The following ZNF440 variants were observed in gnomAD, a reference collection of about 807,000 sequenced individuals.
ZNF440 encodes the protein zinc finger protein 440.
Under a neutral mutation model 49.7 loss-of-function variants are expected in ZNF440, and 47 were observed. The ratio of observed to expected loss-of-function variants is 0.95; its 90% CI spans 0.75 to 1.21. The LOEUF (loss-of-function observed/expected upper bound fraction) is 1.21. ZNF440 is among the 50% of genes most tolerant of loss of function. The pLI, the probability that ZNF440 is intolerant of heterozygous loss-of-function variation, is 0.00. For synonymous variants in ZNF440, 255 were observed against 237.7 expected, an observed-to-expected ratio of 1.07 and a Z score of -0.67; for missense variants, 703 against 715.0, an observed-to-expected ratio of 0.98 and a Z score of 0.19.
At chr19:11,826,496 T>C (rs577685729) in intron 1 of ZNF440, among the ~76,000 whole-genome samples, 1 of 152,092 alleles carries the variant, frequency 6.6e-6, no homozygotes, top group Non-Finnish European at 1.5e-5. Flanking sequence ...TCTTCAGAGC[T>C]CCGCAGACTG....
chr19:11,831,376 T>A lies in ZNF440; in HGVS notation c.200T>A (p.Ile67Lys). The A allele has an allele frequency of 6.2e-7, 1 of 1,605,850 alleles. No homozygotes were observed. The highest frequency in any genetic ancestry group is 8.5e-7 in the Non-Finnish European group (1 of 1,178,250). ...CTTCTCATTTTTGACAGGAGTCTCA[T>A]AGAAGAAAAAGTCAATGAAATTAAA... ...QNPRRNFRSL[I>K]EEKVNEIKDD... Residue 67 changes from isoleucine to lysine, a missense_variant, in exon 4 of 4, where the codon ATA becomes AAA. By Grantham distance (102) the Ile-to-Lys change is moderately radical. Coordinates refer to ENST00000304060, the MANE Select transcript of ZNF440 (RefSeq NM_152357.3).
At chr19:11,824,899 G>A (rs1218885131) in intron 1 of ZNF440, among the ~76,000 whole-genome samples, 2 of 151,828 alleles carry the variant, frequency 1.3e-5, no homozygotes, top group African/African-American at 4.8e-5. Flanking sequence ...AGTAGAGAGA[G>A]GGTTTCACCA....
chr19:11,832,056 A>G lies in ZNF440; in HGVS notation c.880A>G (p.Thr294Ala), dbSNP rs777543619. Residue 294 changes from threonine (T) to alanine (A), a missense_variant, in exon 4 of 4, where the codon ACG becomes GCG. Thr to Ala is a moderately conservative substitution (Grantham distance 58). Transcript: ENST00000304060. ...ATGTAAGGAATGTGGAAAAGCATTC[A>G]CGTGTCCCCGTTATGTTCGTATACA... Reference protein sequence around the residue: ...YQCKECGKAFTCPRYVRIHER... With the variant: ...YQCKECGKAFACPRYVRIHER... 6.2e-7 allele frequency: 1 copy of G among 1,614,180 alleles called. No individual in the cohort carries two copies.
Position 11,832,402 on chromosome 19 carries a change from C to T in ZNF440, c.1226C>T (p.Ser409Leu). 4 of 1,613,244 alleles carry T rather than the reference C, an allele frequency of 2.5e-6. No individual in the cohort carries two copies. Among genetic ancestry groups the T allele is most frequent in the Non-Finnish European group, 3.4e-6 (4 of 1,179,704 alleles). Residue 409 changes from serine to leucine, a missense_variant, in exon 4 of 4, where the codon TCA (serine) becomes TTA (leucine). Physicochemically the swap from Ser to Leu is moderately radical, Grantham distance 145. Coordinates refer to ENST00000304060, the MANE Select transcript of ZNF440 (RefSeq NM_152357.3). The part of the protein sequence containing the change: ...KQCGKAFRSA[S>L]HLRVHGRTHT... Reference sequence around the variant, plus strand: ...TGTGGGAAAGCCTTCAGATCTGCCTCACACCTTCGAGTGCATGGTAGGACT... The same window carrying T: ...TGTGGGAAAGCCTTCAGATCTGCCTTACACCTTCGAGTGCATGGTAGGACT...
At position 11,832,224 on chromosome 19, in the gene ZNF440, T is replaced by C. The variant is rs901524299; in HGVS notation, c.1048T>C (p.Cys350Arg). 1 of 1,614,096 alleles carries C rather than the reference T, an allele frequency of 6.2e-7. No homozygotes were observed. Among genetic ancestry groups the C allele is most frequent in the African/African-American group, 1.3e-5 (1 of 75,014 alleles). ...ATGTAAGATATGTGGAAAAGACTTTTGTTCTGTGAATTCATTTCAAAGACA... is the reference window on the plus strand; with the variant it reads ...ATGTAAGATATGTGGAAAAGACTTTCGTTCTGTGAATTCATTTCAAAGACA... ...YECKICGKDFCSVNSFQRHEK... is the reference protein window; with the variant it reads ...YECKICGKDFRSVNSFQRHEK... Residue 350 changes from cysteine to arginine, a missense_variant, in exon 4 of 4, where the codon TGT becomes CGT. Physicochemically the swap from Cys to Arg is radical, Grantham distance 180. Coordinates refer to ENST00000304060, the MANE Select transcript of ZNF440 (RefSeq NM_152357.3).
chr19:11,834,826 C>A lies in ZNF440; in HGVS notation c.*1862C>A, dbSNP rs1386396044. The A allele has an allele frequency of 2.0e-5, 3 of 152,076 alleles. No homozygotes were observed. Among genetic ancestry groups the A allele is most frequent in the African/African-American group, 7.2e-5 (3 of 41,398 alleles). The allele number at this position is 152,076 out of a possible 1,614,324, so 9.4% of individuals were successfully genotyped here. ...GTGGCTCACGCCTGTAATCCCAGCA[C>A]TTTGGGAGGCCGAGGTCAGGAGTTA... On this transcript the variant is annotated 3_prime_UTR_variant, in exon 4 of 4. Transcript: ENST00000304060.
chr19:11,827,251 A>G (rs886448500), intron 1 of ZNF440, among the ~76,000 whole-genome samples: 12 of 135,790 alleles, frequency 8.8e-5, no homozygotes, highest in South Asian at 6.6e-4. Flanking sequence ...TTTACTAGAG[A>G]CGGGGTTTCA....
At position 11,831,906 on chromosome 19, in the gene ZNF440, C is replaced by T. The variant is rs61746261; in HGVS notation, c.730C>T (p.Arg244Ter). Residue 244 changes from arginine (R) to a stop codon, truncating the protein, a stop_gained, in exon 4 of 4, where the codon CGA (arginine) becomes TGA (stop). Coordinates refer to ENST00000304060, the MANE Select transcript of ZNF440 (RefSeq NM_152357.3). LOFTEE classifies it high-confidence loss of function. The stretch of plus-strand genomic sequence containing the variant: ...ATCCTTTAGTTATTCTGCTACCCAT[C>T]GAATACATAAAAGAACTCACACTGG... The part of the protein sequence containing the change: ...GKSFSYSATH[R>*]IHKRTHTGEK... The T allele has an allele frequency of 6.1e-4, 983 of 1,613,706 alleles. 1 individual carries two copies. The highest frequency in any genetic ancestry group is 7.7e-4 in the Non-Finnish European group (905 of 1,179,888).
chr19:11,824,576 G>C (rs1975839498), intron 1 of ZNF440, among the ~76,000 whole-genome samples: 1 of 151,994 alleles, frequency 6.6e-6, no homozygotes. Context: ...TATATGGAAT[G>C]ATAGTTAATT....
chr19:11,821,611 G>T (rs1338151341), intron 1 of ZNF440, among the ~76,000 whole-genome samples: 1 of 152,164 alleles, frequency 6.6e-6, no homozygotes, highest in Non-Finnish European at 1.5e-5. Flanking sequence ...AGTGTTGGTG[G>T]AAAGTAGTCA....
rs1265487738 is a variant in ZNF440 at position 11,831,687 on chromosome 19, C to T, written c.511C>T (p.Pro171Ser). The T allele has an allele frequency of 1.9e-6, 3 of 1,614,112 alleles. No individual in the cohort carries two copies. Among genetic ancestry groups the T allele is most frequent in the Non-Finnish European group, 2.5e-6 (3 of 1,180,010 alleles). Residue 171 changes from proline (P) to serine (S), a missense_variant, in exon 4 of 4, where the codon CCC becomes TCC. By Grantham distance (74) the Pro-to-Ser change is moderately conservative (BLOSUM62 -1). Transcript: ENST00000304060. ...TQERDHTGEK[P>S]NACKVCGKTF... ...AGAAAGGGATCACACTGGAGAGAAA[C>T]CCAATGCTTGTAAAGTATGTGGAAA...
At chr19:11,817,997 A>G (rs166972) in intron 1 of ZNF440, among the ~76,000 whole-genome samples, 59,334 of 151,966 alleles carry the variant, frequency 0.39, 12,120 homozygotes, top group African/African-American at 0.5. Flanking sequence ...ATCACTTGAG[A>G]TTAGGGGTTC....
At chr19:11,831,208 C>G (rs1321256984) in intron 3 of ZNF440, among the ~76,000 whole-genome samples, 160 bp from the exon 4 acceptor site, 1 of 152,168 alleles carries the variant, frequency 6.6e-6, no homozygotes, top group African/African-American at 2.4e-5. Flanking sequence ...GGCTGGGTCA[C>G]CTTGTAGAAT....
intron 1 of ZNF440, chr19:11,815,931 C>A (rs1039228774): frequency 6.6e-6 from 1 of 152,322 alleles, no homozygotes; most frequent in Admixed American, 6.5e-5. Context: ...TGAGAAACAC[C>A]CAGTCCTGGC....
intron 1 of ZNF440, among the ~76,000 whole-genome samples, chr19:11,823,002 T>A (rs1975818220): frequency 6.6e-6 from 1 of 152,132 alleles, no homozygotes; most frequent in South Asian, 2.1e-4. Context: ...CATCTTGGGC[T>A]GCTATATCAA....
In ZNF440 at chr19:11,833,712, G is replaced by T; in HGVS notation, c.*748G>T. 1.5e-6 allele frequency: 1 copy of T among 685,718 alleles called. No individual in the cohort carries two copies. The highest frequency in any genetic ancestry group is 2.3e-6 in the Non-Finnish European group (1 of 438,508). 42.5% of individuals were successfully genotyped at this position (685,718 alleles called of 1,614,324 possible). A position where few individuals can be genotyped will look rare whatever the true frequency, so the allele number is the denominator to read the frequency against. ...TTCTTCTAGTTCCCTTCAATATCAT[G>T]AAAGGACTCACACTGGAGAGAAGCC... On this transcript the variant is annotated 3_prime_UTR_variant, in exon 4 of 4. Coordinates refer to ENST00000304060, the MANE Select transcript of ZNF440 (RefSeq NM_152357.3).
rs770269280 is a variant in ZNF440 at position 11,832,968 on chromosome 19, A to G, written c.*4A>G. On this transcript the variant is annotated 3_prime_UTR_variant, in exon 4 of 4. Coordinates refer to ENST00000304060, the MANE Select transcript of ZNF440 (RefSeq NM_152357.3). ...GAAAGGACACAAACACACATAATGC[A>G]CTCTGTAGAGAGACCTTATAAATGT... 1.4e-5 allele frequency: 23 copies of G among 1,607,104 alleles called. No homozygotes were observed. The highest frequency in any genetic ancestry group is 2.0e-5 in the Non-Finnish European group (23 of 1,178,538).
At position 11,832,893 on chromosome 19, in the gene ZNF440, G is replaced by A. The variant is rs1325094641; in HGVS notation, c.1717G>A (p.Val573Ile). The change falls in exon 4 of 4, where the codon GTA becomes ATA. Residue 573 changes from valine (V) to isoleucine (I), a missense_variant. Coordinates refer to ENST00000304060, the MANE Select transcript of ZNF440 (RefSeq NM_152357.3). ...GHTMERSPMHVRNVGNPSDLP... is the reference protein window; with the variant it reads ...GHTMERSPMHIRNVGNPSDLP... ...CACAATGGAGAGAAGCCCTATGCAT[G>A]TAAGGAATGTGGGAAACCCTTCGGA... 5.6e-6 allele frequency: 9 copies of A among 1,612,650 alleles called. No homozygotes were observed. Among genetic ancestry groups the A allele is most frequent in the Non-Finnish European group, 7.6e-6 (9 of 1,179,376 alleles).
At position 11,832,507 on chromosome 19, in the gene ZNF440, G is replaced by A; in HGVS notation, c.1331G>A (p.Arg444Lys). ...GTGAATAACCTTCAAAGTCATGAAA[G>A]GACACAAACACACATAAGAATACAC... The part of the protein sequence containing the change: ...RYVNNLQSHE[R>K]TQTHIRIHSG... Residue 444 changes from arginine to lysine, a missense_variant, in exon 4 of 4, where the codon AGG becomes AAG. Arg to Lys is a conservative substitution (Grantham distance 26). Coordinates refer to ENST00000304060, the MANE Select transcript of ZNF440 (RefSeq NM_152357.3). The A allele has an allele frequency of 2.5e-6, 4 of 1,613,934 alleles. No homozygotes were observed. The highest frequency in any genetic ancestry group is 3.4e-6 in the Non-Finnish European group (4 of 1,179,998).
Sources: gnomAD v4.1 joint callset for allele counts (sites outside exome capture counted in the v4.1 genomes callset) on GRCh38, gnomAD v4.1.1 for gene constraint, MANE v1.5 for transcripts, NCBI Gene and HGNC (gene_info 2026-07-23, HGNC 2026-07-21) for gene names.